SPRED1: variants seen among roughly 807,000 people sequenced by gnomAD.
The protein encoded by SPRED1 is sprouty-related, EVH1 domain-containing protein 1.
A neutral mutation model predicts 52.3 loss-of-function variants in SPRED1; 18 were observed. The observed-to-expected ratio is 0.34, with a 90% confidence interval of 0.24 to 0.51. The LOEUF (loss-of-function observed/expected upper bound fraction) is 0.51. SPRED1 is among the 20% of genes least tolerant of loss of function. The pLI is 0.97. For synonymous variants in SPRED1, 155 were observed against 179.7 expected, an observed-to-expected ratio of 0.86 and a Z score of 1.10; for missense variants, 485 against 551.0, an observed-to-expected ratio of 0.88 and a Z score of 1.20.
chr15:38,253,113 C>T lies in SPRED1; in HGVS notation c.-73C>T, dbSNP rs1046813969. On this transcript the variant is annotated 5_prime_UTR_variant, in exon 1 of 7. Transcript: ENST00000299084. ...CCCCCCGGCCGCCGCTGCCTCCTGCCCCTCGGTGCTGCTGTTGCTCCCCCG... is the reference window on the plus strand; with the variant it reads ...CCCCCCGGCCGCCGCTGCCTCCTGCTCCTCGGTGCTGCTGTTGCTCCCCCG... 13 of 1,411,986 alleles carry T rather than the reference C, an allele frequency of 9.2e-6. No individual in the cohort carries two copies. The African/African-American group carries it at 1.4e-4, about 15-fold the overall frequency. The allele number at this position is 1,411,986 out of a possible 1,614,324, so 87.5% of individuals were successfully genotyped here. A position where few individuals can be genotyped will look rare whatever the true frequency, so the allele number is the denominator to read the frequency against.
intron 1 of SPRED1, among the ~76,000 whole-genome samples, chr15:38,298,168 A>T (rs913453722): frequency 6.6e-6 from 1 of 152,204 alleles, no homozygotes; most frequent in Non-Finnish European, 1.5e-5. Flanking sequence ...GGATACCACT[A>T]TATACTCAAT....
chr15:38,281,378 C>A lies in SPRED1; in HGVS notation c.33-17995C>A, dbSNP rs143120247. 4.3e-3 allele frequency among the ~76,000 whole-genome samples: 648 copies of A among 152,126 alleles called. 3 individuals are homozygous for A. The highest frequency in any genetic ancestry group is 0.015 in the African/African-American group (627 of 41,502). On this transcript the variant is annotated intron_variant, in intron 1 of 6. Transcript: ENST00000299084. ...TAGTCTAGATCTTTTAGGTTCCTTA[C>A]AACTGCCTAAGTTCTGTTTTTTTGA... is the stretch of plus-strand genomic sequence containing the variant.
At chr15:38,273,183 T>C (rs1894475035) in intron 1 of SPRED1, among the ~76,000 whole-genome samples, 1 of 152,210 alleles carries the variant, frequency 6.6e-6, no homozygotes, top group Non-Finnish European at 1.5e-5. Context: ...CTTTAATCCA[T>C]CTTGAGTTAA....
intron 4 of SPRED1, among the ~76,000 whole-genome samples, chr15:38,327,139 A>G (rs375398848): frequency 2.6e-5 from 4 of 152,308 alleles, no homozygotes; most frequent in African/African-American, 9.6e-5. Context: ...TTAAGGAACT[A>G]CCTACACCCA....
intron 2 of SPRED1, among the ~76,000 whole-genome samples, chr15:38,318,361 G>A (rs1895531165): frequency 6.6e-6 from 1 of 152,078 alleles, no homozygotes; most frequent in Non-Finnish European, 1.5e-5. Context: ...ACACATTTCT[G>A]CATGGGTATT....
intron 4 of SPRED1, among the ~76,000 whole-genome samples, chr15:38,331,281 T>C (rs922844919): frequency 3.3e-5 from 5 of 152,182 alleles, no homozygotes; most frequent in Admixed American, 6.6e-5. Context: ...AGATGTAATT[T>C]TTTTTAAGCT....
chr15:38,259,387 CT>C (rs1894161303), intron 1 of SPRED1, among the ~76,000 whole-genome samples: 1 of 152,074 alleles, frequency 6.6e-6, no homozygotes, highest in Non-Finnish European at 1.5e-5. Flanking sequence ...TCTTAAGTAG[CT>C]AGGACGACAG....
Position 38,299,362 on chromosome 15 carries a change from A to C in SPRED1, c.33-11A>C, listed in dbSNP as rs775671940. 1 of 1,613,740 alleles carries C rather than the reference A, an allele frequency of 6.2e-7. No homozygotes were observed. Among genetic ancestry groups the C allele is most frequent in the South Asian group, 1.1e-5 (1 of 91,072 alleles). On this transcript the variant is annotated splice_polypyrimidine_tract_variant and intron_variant, in intron 1 of 6. Transcript: ENST00000299084. ...GGAAAAGCTAATTCCTGATCTTTGC[A>C]TCTATTTTAGTAATAGTTATGCACG...
chr15:38,343,249 G>T (rs1006280174), intron 5 of SPRED1, among the ~76,000 whole-genome samples: 3 of 152,130 alleles, frequency 2.0e-5, no homozygotes, highest in Non-Finnish European at 4.4e-5. Context: ...GATGATGTTT[G>T]CTAGCCACTT....
chr15:38,306,981 T>C (rs1210471753), intron 2 of SPRED1, among the ~76,000 whole-genome samples: 1 of 152,202 alleles, frequency 6.6e-6, no homozygotes, highest in Non-Finnish European at 1.5e-5. Context: ...GCTTCATTGT[T>C]CTCTTTTATA....
intron 4 of SPRED1, among the ~76,000 whole-genome samples, chr15:38,338,548 T>C (rs1260635793): frequency 1.3e-5 from 2 of 152,086 alleles, no homozygotes; most frequent in African/African-American, 4.8e-5. Flanking sequence ...TGGGTAAAAA[T>C]AGCAGCCAGT....
In SPRED1 at chr15:38,266,647, C is replaced by CA. The variant is rs528118336; in HGVS notation, c.32+13433dup. ...CAGAGTGAGACTCTGTCTCAAAAAACAAACAAACAAACAAACAAACAAACA... is the reference window on the plus strand; with the variant it reads ...CAGAGTGAGACTCTGTCTCAAAAAACAAAACAAACAAACAAACAAACAAACA... On this transcript the variant is annotated intron_variant, in intron 1 of 6. Transcript: ENST00000299084. 1.9e-3 allele frequency among the ~76,000 whole-genome samples: 9 copies of CA among 4,692 alleles called. No individual in the cohort carries two copies. The South Asian group carries it at 0.054, about 28-fold the overall frequency. The allele number at this position is 4,692 out of a possible 152,430, so 3.1% of individuals were successfully genotyped here.
intron 2 of SPRED1, among the ~76,000 whole-genome samples, chr15:38,313,298 C>A (rs1156818778): frequency 6.6e-6 from 1 of 151,892 alleles, no homozygotes; most frequent in Non-Finnish European, 1.5e-5. Flanking sequence ...TGCCATAGCT[C>A]TTTAGTCTTC....
intron 4 of SPRED1, among the ~76,000 whole-genome samples, chr15:38,328,047 A>G (rs1323002312): frequency 1.3e-5 from 2 of 152,186 alleles, no homozygotes; most frequent in East Asian, 1.9e-4. Context: ...GTTCTGATTT[A>G]TCTAGCTACT....
chr15:38,349,531 A>T lies in SPRED1; in HGVS notation c.684+8A>T, dbSNP rs1455111617. The T allele has an allele frequency of 6.4e-7, 1 of 1,567,288 alleles. No homozygotes were observed. Among genetic ancestry groups the T allele is most frequent in the East Asian group, 2.3e-5 (1 of 44,394 alleles). ...CTAAAGTCCCAAAATAGGGTAAGTA[A>T]TGTTAGTTTATCTTGTGATATGGAA... On this transcript the variant is annotated splice_region_variant and intron_variant, in intron 6 of 6. Transcript: ENST00000299084.
rs185489362 is a variant in SPRED1, at chr15:38,348,328, T to C, written c.583-1094T>C. Among the ~76,000 whole-genome samples, 28 of 152,186 alleles carry C rather than the reference T, an allele frequency of 1.8e-4. No homozygotes were observed. In the East Asian group the frequency reaches 3.9e-3, roughly 21 times the overall value. ...TTGTTAATTTCTAAATTCTTACAGA[T>C]TCTACTTATAAACATAGAATGGCCT... is the stretch of plus-strand genomic sequence containing the variant. On this transcript the variant is annotated intron_variant, in intron 5 of 6. Coordinates refer to ENST00000299084, the MANE Select transcript of SPRED1 (RefSeq NM_152594.3).
At chr15:38,277,102 A>G (rs183033152) in intron 1 of SPRED1, among the ~76,000 whole-genome samples, 5 of 152,300 alleles carry the variant, frequency 3.3e-5, no homozygotes, top group Admixed American at 2.0e-4. Context: ...TAAATTTATT[A>G]AAATTTCTTG....
At chr15:38,328,554 A>ATG (rs1895753380) in intron 4 of SPRED1, among the ~76,000 whole-genome samples, 1 of 152,162 alleles carries the variant, frequency 6.6e-6, no homozygotes, top group South Asian at 2.1e-4. Flanking sequence ...TTTATTCCTG[A>ATG]TGTGTAGTAT....
chr15:38,274,527 A>G (rs753223178), intron 1 of SPRED1, among the ~76,000 whole-genome samples: 3 of 152,216 alleles, frequency 2.0e-5, no homozygotes, highest in Non-Finnish European at 4.4e-5. Context: ...AAAATATACA[A>G]AGAATGCACA....
Sources: gnomAD v4.1 joint callset for allele counts (sites outside exome capture counted in the v4.1 genomes callset) on GRCh38, gnomAD v4.1.1 for gene constraint, MANE v1.5 for transcripts, NCBI Gene and HGNC (gene_info 2026-07-23, HGNC 2026-07-21) for gene names.